Variants in SCN10A observed in about 807,000 individuals in gnomAD.
SCN10A encodes sodium channel protein type 10 subunit alpha.
Under a neutral mutation model 170.7 loss-of-function variants are expected in SCN10A, and 162 were observed. That is an observed-to-expected ratio of 0.95 (90% CI 0.84 to 1.08). The LOEUF is 1.08. Ranked by LOEUF, SCN10A falls within the 50% of genes least tolerant of loss-of-function variation. SCN10A has a pLI of 0.00. For missense variants in SCN10A, 2,527 were observed against 2,436.9 expected (o/e 1.04, Z -0.78); for synonymous variants, 985 against 904.6 (o/e 1.09, Z -1.59).
chr3:38,701,006 C>G (rs1182479199), intron 27 of SCN10A, among the ~76,000 whole-genome samples: 2 of 152,168 alleles, frequency 1.3e-5, no homozygotes, highest in Admixed American at 1.3e-4. Flanking sequence ...AGCTTCAACC[C>G]TTGGAAACTC....
intron 25 of SCN10A, among the ~76,000 whole-genome samples, chr3:38,708,671 C>T (rs950538830): frequency 1.3e-5 from 2 of 152,184 alleles, no homozygotes; most frequent in Non-Finnish European, 2.9e-5. Context: ...GATCTTTGTT[C>T]AGGATTTTGT....
chr3:38,702,490 C>T (rs577708424), intron 26 of SCN10A, among the ~76,000 whole-genome samples: 3 of 152,320 alleles, frequency 2.0e-5, no homozygotes, highest in East Asian at 1.9e-4. Flanking sequence ...TACCCTGTCC[C>T]TTTGGGGATC....
At chr3:38,727,931 G>C (rs1213172247) in intron 16 of SCN10A, among the ~76,000 whole-genome samples, 2 of 152,140 alleles carry the variant, frequency 1.3e-5, no homozygotes, top group Non-Finnish European at 2.9e-5. Flanking sequence ...AGTAGATTTT[G>C]TTATTATTTC....
intron 5 of SCN10A, among the ~76,000 whole-genome samples, chr3:38,766,381 T>A (rs540247915): frequency 1.0e-3 from 158 of 152,332 alleles, no homozygotes; most frequent in African/African-American, 3.6e-3. Flanking sequence ...TTGTCATAGA[T>A]GGCTTTTATT....
At chr3:38,701,319 C>T (rs999285279) in intron 27 of SCN10A, among the ~76,000 whole-genome samples, 2 of 152,168 alleles carry the variant, frequency 1.3e-5, no homozygotes. Context: ...ACTCATGTTC[C>T]CTAATAGAAC....
chr3:38,800,440 A>G (rs980071858), intron 1 of SCN10A, among the ~76,000 whole-genome samples: 1 of 152,226 alleles, frequency 6.6e-6, no homozygotes, highest in Non-Finnish European at 1.5e-5. Flanking sequence ...TTTGAGAAGC[A>G]CTGAAATTCT....
At chr3:38,728,007 G>T (rs888410118) in intron 16 of SCN10A, among the ~76,000 whole-genome samples, 2 of 152,162 alleles carry the variant, frequency 1.3e-5, no homozygotes, top group Non-Finnish European at 2.9e-5. Context: ...CCTGCTCCCA[G>T]CTAGGACCTG....
At chr3:38,756,931 A>C in intron 9 of SCN10A, 60 bp from the exon 10 acceptor site, 1 of 1,607,188 alleles carries the variant, frequency 6.2e-7, no homozygotes, top group South Asian at 1.1e-5. Context: ...CCCTGAATTT[A>C]AGTCAGCCTC....
chr3:38,756,972 C>T, intron 9 of SCN10A, 46 bp downstream of exon 9: 1 of 1,602,618 alleles, frequency 6.2e-7, no homozygotes, highest in African/African-American at 1.3e-5. Context: ...TGCAGCTGAC[C>T]CACCAGCCTC....
chr3:38,712,816 T>TACAATTTAAAG (rs1319071898), intron 22 of SCN10A, among the ~76,000 whole-genome samples: 2 of 152,182 alleles, frequency 1.3e-5, no homozygotes, highest in Non-Finnish European at 2.9e-5. Context: ...ACAATTTAAA[T>TACAATTTAAAG]ACAATTTAAA....
intron 15 of SCN10A, among the ~76,000 whole-genome samples, chr3:38,730,474 C>T (rs992550804): frequency 7.9e-5 from 12 of 151,952 alleles, no homozygotes; most frequent in African/African-American, 2.4e-4. Flanking sequence ...AGTAAAAAAA[C>T]AAACAAAAAC....
At chr3:38,799,454 A>C (rs1277966477) in intron 1 of SCN10A, among the ~76,000 whole-genome samples, 1 of 152,192 alleles carries the variant, frequency 6.6e-6, no homozygotes, top group Non-Finnish European at 1.5e-5. Context: ...TTTGTAATAC[A>C]TTTGTTGAAA....
Position 38,697,413 on chromosome 3 carries a change from G to A in SCN10A, c.5807C>T (p.Thr1936Ile). 1 of 1,614,216 alleles carries A rather than the reference G, an allele frequency of 6.2e-7. No individual in the cohort carries two copies. The highest frequency in any genetic ancestry group is 1.1e-5 in the South Asian group (1 of 91,090). Residue 1936 changes from threonine (T) to isoleucine (I), a missense_variant, in exon 28 of 28, where the codon ACA (threonine) becomes ATA (isoleucine). Physicochemically the swap from Thr to Ile is moderately conservative, Grantham distance 89. Transcript: ENST00000449082. ...RGLSDRVNMR[T>I]SSSIQNEDEA... ...ATCTTCATTTTGTATTGAGCTAGAT[G>A]TCCTCATGTTGACTCTATCACTAAG...
At chr3:38,709,666 G>A in intron 24 of SCN10A, 51 bp from the exon 25 acceptor site, 1 of 1,492,902 alleles carries the variant, frequency 6.7e-7, no homozygotes. Context: ...CTTAGTTCAG[G>A]TTCACTCTGA....
At chr3:38,814,269 G>A (rs1414620225) in intron 1 of SCN10A, among the ~76,000 whole-genome samples, 1 of 152,114 alleles carries the variant, frequency 6.6e-6, no homozygotes, top group African/African-American at 2.4e-5. Context: ...TTTAAGAGGG[G>A]GCAGGGACAG....
At chr3:38,715,874 G>A (rs1448065577) in intron 21 of SCN10A, among the ~76,000 whole-genome samples, 1 of 152,164 alleles carries the variant, frequency 6.6e-6, no homozygotes, top group Non-Finnish European at 1.5e-5. Flanking sequence ...TTCTTACAAA[G>A]CACTTCATAA....
intron 4 of SCN10A, among the ~76,000 whole-genome samples, chr3:38,785,594 A>G (rs1470830636): frequency 6.6e-6 from 1 of 152,212 alleles, no homozygotes; most frequent in East Asian, 1.9e-4. Flanking sequence ...TGACTAACAC[A>G]TCAAAAGCAA....
chr3:38,763,898 C>T (rs530007804), intron 5 of SCN10A, among the ~76,000 whole-genome samples: 22 of 152,170 alleles, frequency 1.4e-4, no homozygotes, highest in Admixed American at 2.6e-4. Flanking sequence ...AGAAGGAGAC[C>T]GCCATGTCAG....
intron 15 of SCN10A, among the ~76,000 whole-genome samples, chr3:38,733,136 T>A (rs916433270): frequency 2.6e-5 from 4 of 152,188 alleles, no homozygotes; most frequent in Non-Finnish European, 5.9e-5. Context: ...GCCATCTAAG[T>A]TTTTGAAGTA....
Sources: allele counts gnomAD v4.1 joint callset (sites outside exome capture counted in the v4.1 genomes callset), GRCh38; gene constraint gnomAD v4.1.1; transcripts MANE v1.5; gene names NCBI Gene and HGNC (gene_info 2026-07-23, HGNC 2026-07-21).